Variants in CARS1 observed in about 807,000 individuals in gnomAD.
The protein encoded by CARS1 is cysteinyl-tRNA synthetase 1.
A neutral mutation model predicts 106.2 loss-of-function variants in CARS1; 48 were observed. The observed-to-expected ratio is 0.45, with a 90% CI of 0.36 to 0.57. CARS1 has a LOEUF of 0.57. Among genes scored for constraint, CARS1 ranks in the 20% least tolerant of loss-of-function variants. The pLI is 0.00. For missense variants in CARS1, 968 were observed against 1,057.2 expected, an observed-to-expected ratio of 0.92 and a Z score of 1.17; for synonymous variants, 409 against 403.4, an observed-to-expected ratio of 1.01 and a Z score of -0.17.
intron 9 of CARS1, chr11:3,027,535 A>G (rs958284574): frequency 5.3e-6 from 1 of 190,358 alleles, no homozygotes; most frequent in African/African-American, 2.3e-5. Flanking sequence ...GAATAGTTAT[A>G]CCAGATATAG....
rs953280569 is a variant in CARS1 at position 3,041,916 on chromosome 11, C to T, written c.366+249G>A. ...GAGACAAGCCAGGGTGATCCATGCCCAGAAGTCATGGGCAGGCTTCCACAT... is the reference window on the plus strand; with the variant it reads ...GAGACAAGCCAGGGTGATCCATGCCTAGAAGTCATGGGCAGGCTTCCACAT... On this transcript the variant is annotated intron_variant, in intron 3 of 22. Coordinates refer to ENST00000380525, the MANE Select transcript of CARS1 (RefSeq NM_001014437.3). The surrounding 1 kb of genome is among the most constrained non-coding windows in gnomAD (Gnocchi z 4.9). Among the ~76,000 whole-genome samples, 1 of 152,140 alleles carries T rather than the reference C, an allele frequency of 6.6e-6. No homozygotes were observed. The highest frequency in any genetic ancestry group is 1.5e-5 in the Non-Finnish European group (1 of 68,030).
At chr11:3,010,323 T>C (rs1850330427) in intron 18 of CARS1, among the ~76,000 whole-genome samples, 1 of 152,206 alleles carries the variant, frequency 6.6e-6, no homozygotes, top group South Asian at 2.1e-4. Flanking sequence ...CGGCCTTCGA[T>C]GTCCCCCAGA....
chr11:3,056,979 C>T (rs1856272518), intron 1 of CARS1, among the ~76,000 whole-genome samples: 1 of 152,194 alleles, frequency 6.6e-6, no homozygotes, highest in Admixed American at 6.5e-5. Context: ...GACCCTCACG[C>T]AGGAGTCCCA....
At chr11:3,055,011 T>C in intron 1 of CARS1, 1 of 701,940 alleles carries the variant, frequency 1.4e-6, no homozygotes, top group South Asian at 1.5e-5. Context: ...GCACCAAGCC[T>C]ATGCACCTTC....
Position 3,046,287 on chromosome 11 carries a change from T to G in CARS1, c.274+1466A>C, listed in dbSNP as rs1855068278. Among the ~76,000 whole-genome samples the G allele has an allele frequency of 6.6e-6, 1 of 152,194 alleles. No homozygotes were observed. Among genetic ancestry groups the G allele is most frequent in the Non-Finnish European group, 1.5e-5 (1 of 68,036 alleles). ...TATGAGGGAAGCCTGGACAGGCCAC[T>G]GCTGAGCTGGACGTACCAGGCCCGC... On this transcript the variant is annotated intron_variant, in intron 2 of 22. Transcript: ENST00000380525. This position sits in a 1 kb window ranked among gnomAD's most constrained non-coding sequence, Gnocchi z 5.8.
Position 3,029,782 on chromosome 11 carries a change from G to T in CARS1, c.802-339C>A, listed in dbSNP as rs1852519812. 6.4e-6 allele frequency: 2 copies of T among 310,674 alleles called. No homozygotes were observed. Among genetic ancestry groups the T allele is most frequent in the South Asian group, 6.6e-5 (1 of 15,220 alleles). 19.2% of individuals were successfully genotyped at this position (310,674 alleles called of 1,614,324 possible). On this transcript the variant is annotated intron_variant, in intron 7 of 22. Coordinates refer to ENST00000380525, the MANE Select transcript of CARS1 (RefSeq NM_001014437.3). This position sits in a 1 kb window ranked among gnomAD's most constrained non-coding sequence, Gnocchi z 5.9. ...CAGGGCAGGGTTATGGGCAGAGGCT[G>T]GGCAGGAGCACACAGTGTGTCACCT...
In CARS1 at chr11:3,017,091, T is replaced by G. The variant is rs1266130468; in HGVS notation, c.1917+15A>C. ...ACACAGGCTGAGGGATACGCCTGCCTGGGGCCTGGCTTACCTTCAGCATAT... is the reference window on the plus strand; with the variant it reads ...ACACAGGCTGAGGGATACGCCTGCCGGGGGCCTGGCTTACCTTCAGCATAT... On this transcript the variant is annotated intron_variant, in intron 16 of 22. Coordinates refer to ENST00000380525, the MANE Select transcript of CARS1 (RefSeq NM_001014437.3). This position sits in a 1 kb window ranked among gnomAD's most constrained non-coding sequence, Gnocchi z 4.9. 2 of 1,605,080 alleles carry G rather than the reference T, an allele frequency of 1.2e-6. No homozygotes were observed. Among genetic ancestry groups the G allele is most frequent in the Non-Finnish European group, 1.7e-6 (2 of 1,172,764 alleles).
rs2106229 is a variant in CARS1, at chr11:3,019,965, G to A, written c.1266+255C>T. On this transcript the variant is annotated intron_variant, in intron 11 of 22. Transcript: ENST00000380525. The surrounding 1 kb of genome is among the most constrained non-coding windows in gnomAD (Gnocchi z 6.2). ...CAAGAACCAAGAAGCCTCCATGGAC[G>A]TCTACTCTGATCACATCTCCACTTA... Among the ~76,000 whole-genome samples the A allele has an allele frequency of 0.33, 49,975 of 152,020 alleles. 10,128 individuals are homozygous for A. Among genetic ancestry groups the A allele is most frequent in the East Asian group, 0.63 (3,244 of 5,156 alleles).
Position 3,020,295 on chromosome 11 carries a change from C to A in CARS1, c.1191G>T (p.Lys397Asn), listed in dbSNP as rs150783844. Residue 397 changes from lysine (K) to asparagine (N), a missense_variant, in exon 11 of 23, where the codon AAG becomes AAT. Transcript: ENST00000380525. The surrounding 1 kb of genome is among the most constrained non-coding windows in gnomAD (Gnocchi z 4.6). ...LSISADRLSE[K>N]RSPNDFALWK... ...ATAAGGCAAAGTCGTTGGGAGAGCG[C>A]TTCTCACTCAGGCGGTCTGCAGAGA... is the stretch of plus-strand genomic sequence containing the variant. 293 of 1,613,952 alleles carry A rather than the reference C, an allele frequency of 1.8e-4. No homozygotes were observed. The highest frequency in any genetic ancestry group is 2.1e-4 in the Non-Finnish European group (245 of 1,179,916).
Position 3,046,820 on chromosome 11 carries a change from C to T in CARS1, c.274+933G>A, listed in dbSNP as rs538486629. Among the ~76,000 whole-genome samples the T allele has an allele frequency of 6.6e-6, 1 of 152,230 alleles. No individual in the cohort carries two copies. Among genetic ancestry groups the T allele is most frequent in the South Asian group, 2.1e-4 (1 of 4,818 alleles). Reference sequence around the variant, plus strand: ...ACTTCAGTGATGATGGCATGGAGCCCCCTCAGATTTGCCACAGAGTGACAA... The same window carrying T: ...ACTTCAGTGATGATGGCATGGAGCCTCCTCAGATTTGCCACAGAGTGACAA... On this transcript the variant is annotated intron_variant, in intron 2 of 22. Transcript: ENST00000380525. This position sits in a 1 kb window ranked among gnomAD's most constrained non-coding sequence, Gnocchi z 5.8.
Position 3,039,907 on chromosome 11 carries a change from C to G in CARS1, c.480G>C (p.Leu160Phe), listed in dbSNP as rs1424944409. The G allele has an allele frequency of 1.3e-6, 2 of 1,586,186 alleles. No individual in the cohort carries two copies. The highest frequency in any genetic ancestry group is 1.7e-6 in the Non-Finnish European group (2 of 1,164,052). ...TGAAGTAATCCTTCAACACTCTTCT[C>G]AAGATATCAAAAGAGATGTAGGACC... The part of the protein sequence containing the change: ...HARSYISFDI[L>F]RRVLKDYFKF... The change falls in exon 5 of 23, where the codon TTG becomes TTC. Residue 160 changes from leucine (L) to phenylalanine (F), a missense_variant. Leu to Phe is a conservative substitution (Grantham distance 22). Transcript: ENST00000380525. The surrounding 1 kb of genome is among the most constrained non-coding windows in gnomAD (Gnocchi z 5.6).
Position 3,029,519 on chromosome 11 carries a change from C to A in CARS1, c.802-76G>T. 6.6e-7 allele frequency: 1 copy of A among 1,504,896 alleles called. No individual in the cohort carries two copies. Among genetic ancestry groups the A allele is most frequent in the Admixed American group, 1.8e-5 (1 of 55,796 alleles). 93.2% of individuals were successfully genotyped at this position (1,504,896 alleles called of 1,614,324 possible). ...GAACATCTCGTGCAGCTGGTGTGAGCCCATCAGTGCCCTGAATTCAAAGGT... is the reference window on the plus strand; with the variant it reads ...GAACATCTCGTGCAGCTGGTGTGAGACCATCAGTGCCCTGAATTCAAAGGT... On this transcript the variant is annotated intron_variant, in intron 7 of 22. Coordinates refer to ENST00000380525, the MANE Select transcript of CARS1 (RefSeq NM_001014437.3). This position sits in a 1 kb window ranked among gnomAD's most constrained non-coding sequence, Gnocchi z 5.9.
At chr11:3,056,438 G>T (rs1231622666) in intron 1 of CARS1, among the ~76,000 whole-genome samples, 1 of 152,206 alleles carries the variant, frequency 6.6e-6, no homozygotes, top group African/African-American at 2.4e-5. Context: ...AGTGAGAGAA[G>T]AACCCACTGG....
chr11:3,002,826 C>T (rs1477234543), intron 20 of CARS1, among the ~76,000 whole-genome samples: 1 of 152,170 alleles, frequency 6.6e-6, no homozygotes, highest in Non-Finnish European at 1.5e-5. Context: ...GGGTGCCTGG[C>T]CCTGCCCTAG....
At chr11:3,049,119 A>T (rs1374719856) in intron 1 of CARS1, among the ~76,000 whole-genome samples, 1 of 116,908 alleles carries the variant, frequency 8.6e-6, no homozygotes, top group East Asian at 2.1e-4. Flanking sequence ...TTATTTATTT[A>T]TTTTTATTTT....
chr11:3,024,146 C>T (rs1328697541), intron 10 of CARS1, among the ~76,000 whole-genome samples: 1 of 152,242 alleles, frequency 6.6e-6, no homozygotes, highest in Non-Finnish European at 1.5e-5. Flanking sequence ...CTGCCTTGGC[C>T]TCCCAAAGTG....
In CARS1 at chr11:3,026,939, C is replaced by T. The variant is rs2277299; in HGVS notation, c.1032-142G>A. On this transcript the variant is annotated intron_variant, in intron 9 of 22. Transcript: ENST00000380525. ...ACTCTCTGTGGTGGCCACTGAAAAC[C>T]GTATCAGCTGTTTGGACTGAGTGGG... 1,210 of 922,090 alleles carry T rather than the reference C, an allele frequency of 1.3e-3. 22 individuals are homozygous for T. In the East Asian group the frequency reaches 0.029, roughly 22 times the overall value. The allele number at this position is 922,090 out of a possible 1,614,324, so 57.1% of individuals were successfully genotyped here.
chr11:3,028,046 C>G lies in CARS1; in HGVS notation c.1031+950G>C, dbSNP rs1590412017. 1 of 300,440 alleles carries G rather than the reference C, an allele frequency of 3.3e-6. No individual in the cohort carries two copies. Among genetic ancestry groups the G allele is most frequent in the East Asian group, 9.3e-5 (1 of 10,696 alleles). The allele number at this position is 300,440 out of a possible 1,614,324, so 18.6% of individuals were successfully genotyped here. A position where few individuals can be genotyped will look rare whatever the true frequency, so the allele number is the denominator to read the frequency against. ...CCTCCTTCATGTTCCATCCTGTACA[C>G]CTGGCTCTACCTTCTAGATAGCAGT... On this transcript the variant is annotated intron_variant, in intron 9 of 22. Coordinates refer to ENST00000380525, the MANE Select transcript of CARS1 (RefSeq NM_001014437.3). The surrounding 1 kb of genome is among the most constrained non-coding windows in gnomAD (Gnocchi z 4.4).
Position 3,002,525 on chromosome 11 carries a change from A to G in CARS1, c.2277+16T>C. 1 of 1,613,994 alleles carries G rather than the reference A, an allele frequency of 6.2e-7. No individual in the cohort carries two copies. The highest frequency in any genetic ancestry group is 8.5e-7 in the Non-Finnish European group (1 of 1,179,910). Reference sequence around the variant, plus strand: ...CCTGCCCAGTAGAGCCCTCACCCCCAAACAAAATGCATTACTTCTTGTTCC... The same window carrying G: ...CCTGCCCAGTAGAGCCCTCACCCCCGAACAAAATGCATTACTTCTTGTTCC... On this transcript the variant is annotated intron_variant, in intron 21 of 22. Coordinates refer to ENST00000380525, the MANE Select transcript of CARS1 (RefSeq NM_001014437.3).
Sources: allele counts gnomAD v4.1 joint callset (sites outside exome capture counted in the v4.1 genomes callset), GRCh38; gene constraint gnomAD v4.1.1; non-coding constraint Gnocchi (gnomAD v3.1); transcripts MANE v1.5; gene names NCBI Gene and HGNC (gene_info 2026-07-23, HGNC 2026-07-21).